ZNF182: variants seen among roughly 807,000 people sequenced by gnomAD.
ZNF182 encodes zinc finger protein 21 (KOX 14).
In ZNF182, 10 loss-of-function variants were observed where a neutral mutation model predicts 28.1. The observed-to-expected ratio is 0.36, with a 90% CI of 0.22 to 0.60. The LOEUF (loss-of-function observed/expected upper bound fraction) is 0.60. ZNF182 is among the 20% of genes least tolerant of loss of function. ZNF182 has a pLI of 0.75. For missense variants in ZNF182, 352 were observed against 453.2 expected, an observed-to-expected ratio of 0.78 and a Z score of 2.03; for synonymous variants, 156 against 158.7, an observed-to-expected ratio of 0.98 and a Z score of 0.13.
At chrX:47,977,937 C>G in intron 5 of ZNF182, 140 bp from the exon 6 acceptor site, 1 of 538,244 alleles carries the variant, frequency 1.9e-6, no homozygotes, top group Non-Finnish European at 2.8e-6. Context: ...TTACTAAACT[C>G]TCACCTGCTG....
intron 4 of ZNF182, 34 bp downstream of exon 4, chrX:47,983,251 A>G (rs1158939633): frequency 8.3e-7 from 1 of 1,208,251 alleles, no homozygotes; most frequent in Admixed American, 2.2e-5. Context: ...CAATAATCAT[A>G]AACTGCAAAA....
chrX:47,977,905 G>C, intron 5 of ZNF182, 108 bp from the exon 6 acceptor site: 1 of 737,124 alleles, frequency 1.4e-6, no homozygotes, highest in Non-Finnish European at 1.9e-6. Flanking sequence ...CATTTTATCA[G>C]AGTTCCTGGA....
chrX:47,990,512 T>C (rs191585198), intron 3 of ZNF182, among the ~76,000 whole-genome samples: 66 of 111,900 alleles, frequency 5.9e-4, no homozygotes, highest in Non-Finnish European at 3.6e-4. Flanking sequence ...CATACACATA[T>C]ACATACAGAA....
chrX:47,981,397 TA>T (rs1261453506), intron 5 of ZNF182, among the ~76,000 whole-genome samples: 1 of 111,995 alleles, frequency 8.9e-6, no homozygotes, highest in African/African-American at 3.2e-5. Flanking sequence ...GACAATGGAT[TA>T]AAACATAGAA....
chrX:48,002,270 C>G (rs2058980558), intron 3 of ZNF182, among the ~76,000 whole-genome samples: 1 of 112,053 alleles, frequency 8.9e-6, no homozygotes, highest in Admixed American at 9.5e-5. Context: ...CAAAGAAATA[C>G]CTTTAAACAC....
intron 3 of ZNF182, among the ~76,000 whole-genome samples, chrX:47,990,209 C>A (rs2058936746): frequency 9.0e-6 from 1 of 111,175 alleles, no homozygotes; most frequent in Admixed American, 9.6e-5. Flanking sequence ...ATCAGGCACC[C>A]TCCCCTAAAT....
At chrX:47,977,866 C>T (rs1478963928) in intron 5 of ZNF182, 69 bp from the exon 6 acceptor site, 1 of 951,959 alleles carries the variant, frequency 1.1e-6, no homozygotes, top group East Asian at 3.3e-5. Flanking sequence ...TAGAATTATT[C>T]TGCCATATGA....
Position 47,980,607 on chromosome X carries a change from T to C in ZNF182, c.232+2342A>G, listed in dbSNP as rs150150509. Among the ~76,000 whole-genome samples, 587 of 111,654 alleles carry C rather than the reference T, an allele frequency of 5.3e-3. 7 individuals are homozygous for C. The highest frequency in any genetic ancestry group is 0.018 in the African/African-American group (565 of 30,770). On this transcript the variant is annotated intron_variant, in intron 5 of 5. Transcript: ENST00000376943. ...ACTAAAAGTAAAACTTTTTAAAATG[T>C]TTAAAAAACTGTGCATAGTAGGAAA... is the stretch of plus-strand genomic sequence containing the variant.
intron 3 of ZNF182, among the ~76,000 whole-genome samples, chrX:47,992,436 C>G (rs782201636): frequency 9.0e-6 from 1 of 110,629 alleles, no homozygotes; most frequent in African/African-American, 3.3e-5. Context: ...ACCCACTTGA[C>G]TCGCCCCTCT....
At chrX:47,977,901 A>G (rs1485395547) in intron 5 of ZNF182, 104 bp from the exon 6 acceptor site, 9 of 774,231 alleles carry the variant, frequency 1.2e-5, no homozygotes, top group Non-Finnish European at 1.6e-5. Flanking sequence ...ATCTCATTTT[A>G]TCAGAGTTCC....
At position 47,977,022 on chromosome X, in the gene ZNF182, G is replaced by C; in HGVS notation, c.1008C>G (p.Phe336Leu). ...TYECTKCGES[F>L]IQKLDLIIHH... Reference sequence around the variant, plus strand: ...GTATAATTAGATCAAGCTTCTGTATGAAAGATTCTCCACATTTAGTGCATT... The same window carrying C: ...GTATAATTAGATCAAGCTTCTGTATCAAAGATTCTCCACATTTAGTGCATT... Residue 336 changes from phenylalanine to leucine, a missense_variant, in exon 6 of 6, where the codon TTC (phenylalanine) becomes TTG (leucine). Transcript: ENST00000376943. The C allele has an allele frequency of 8.3e-7, 1 of 1,205,693 alleles. No individual in the cohort carries two copies. Among genetic ancestry groups the C allele is most frequent in the South Asian group, 1.8e-5 (1 of 55,474 alleles).
At chrX:47,983,861 G>A in intron 3 of ZNF182, among the ~76,000 whole-genome samples, 1 of 111,876 alleles carries the variant, frequency 8.9e-6, no homozygotes, top group Non-Finnish European at 1.9e-5. Flanking sequence ...AACCAATTAA[G>A]TGTCTATAAA....
chrX:47,987,745 G>A (rs888390498), intron 3 of ZNF182, among the ~76,000 whole-genome samples: 1 of 111,940 alleles, frequency 8.9e-6, no homozygotes, highest in South Asian at 3.7e-4. Context: ...TCTGTTCACC[G>A]AAAGGGCCTA....
intron 3 of ZNF182, 138 bp from the exon 4 acceptor site, chrX:47,983,549 T>C: frequency 1.5e-6 from 1 of 689,136 alleles, no homozygotes; most frequent in Non-Finnish European, 2.1e-6. Context: ...AAGTTAGTGA[T>C]CTACTTTGTG....
At chrX:47,998,164 A>C (rs913740595) in intron 3 of ZNF182, among the ~76,000 whole-genome samples, 14 of 107,141 alleles carry the variant, frequency 1.3e-4, no homozygotes, top group African/African-American at 4.8e-4. Flanking sequence ...GGCTCACTGC[A>C]ACCTCCGCCT....
chrX:47,992,247 G>A (rs2058944451), intron 3 of ZNF182, among the ~76,000 whole-genome samples: 1 of 112,276 alleles, frequency 8.9e-6, no homozygotes, highest in Admixed American at 9.4e-5. Context: ...ATTTTATGTT[G>A]CTTTAGCATC....
intron 3 of ZNF182, among the ~76,000 whole-genome samples, chrX:47,984,312 T>G (rs1556899545): frequency 5.4e-5 from 6 of 111,714 alleles, no homozygotes; most frequent in Non-Finnish European, 1.1e-4. Context: ...TACACACTAT[T>G]AGCAGGAATA....
intron 2 of ZNF182, among the ~76,000 whole-genome samples, chrX:48,003,012 G>T (rs1427886553): frequency 8.9e-6 from 1 of 111,952 alleles, no homozygotes; most frequent in African/African-American, 3.3e-5. Flanking sequence ...TGACCCATAA[G>T]GGATTAATAA....
At chrX:48,002,022 G>A (rs2146477326) in intron 3 of ZNF182, among the ~76,000 whole-genome samples, 1 of 112,164 alleles carries the variant, frequency 8.9e-6, no homozygotes, top group South Asian at 3.7e-4. Flanking sequence ...ATGGTGGGCT[G>A]CAGGTATCTG....
Sources: allele counts gnomAD v4.1 joint callset (sites outside exome capture counted in the v4.1 genomes callset), GRCh38; gene constraint gnomAD v4.1.1; transcripts MANE v1.5; gene names NCBI Gene and HGNC (gene_info 2026-07-23, HGNC 2026-07-21).